Variants in DLG2 observed in about 807,000 individuals in gnomAD.
DLG2 encodes the protein discs large MAGUK scaffold protein 2.
DLG2 carries 45 observed loss-of-function variants against 132.5 expected under a neutral mutation model. That is an observed-to-expected ratio of 0.34 (90% CI 0.27 to 0.44). The LOEUF (loss-of-function observed/expected upper bound fraction) is 0.44. Ranked by LOEUF, DLG2 falls within the 20% of genes least tolerant of loss-of-function variation. The pLI, the probability that DLG2 is intolerant of heterozygous loss-of-function variation, is 1.00. For synonymous variants in DLG2, 424 were observed against 419.6 expected (o/e 1.01, Z -0.13); for missense variants, 1,045 against 1,196.9 (o/e 0.87, Z 1.87).
At chr11:84,846,038 T>C (rs2081429432) in intron 6 of DLG2, among the ~76,000 whole-genome samples, 1 of 152,086 alleles carries the variant, frequency 6.6e-6, no homozygotes, top group Non-Finnish European at 1.5e-5. Context: ...CTTTTTTTCC[T>C]CTTCCTGACC....
rs984992838 is a variant in DLG2, at chr11:83,712,877, G to A, written c.1825+73813C>T. Among the ~76,000 whole-genome samples, 3 of 151,924 alleles carry A rather than the reference G, an allele frequency of 2.0e-5. No homozygotes were observed. The East Asian group carries it at 5.8e-4, about 29-fold the overall frequency. On this transcript the variant is annotated intron_variant, in intron 18 of 27. Transcript: ENST00000376104. ...TGGATGCTAGGCTTAATACCTAGGT[G>A]ATGGGATGATCTGTGCAGCAAATCA... is the stretch of plus-strand genomic sequence containing the variant.
intron 7 of DLG2, among the ~76,000 whole-genome samples, chr11:84,494,702 G>C (rs2099175684): frequency 6.6e-6 from 1 of 152,194 alleles, no homozygotes; most frequent in African/African-American, 2.4e-5. Context: ...GTACTAGGCA[G>C]TGAGTAGCAG....
intron 3 of DLG2, among the ~76,000 whole-genome samples, chr11:85,307,486 T>A (rs887753771): frequency 6.6e-6 from 1 of 152,204 alleles, no homozygotes; most frequent in African/African-American, 2.4e-5. Flanking sequence ...TATATGGAAA[T>A]CTTTCTTCAA....
chr11:83,909,140 G>T (rs1168142223), intron 15 of DLG2, among the ~76,000 whole-genome samples: 2 of 152,194 alleles, frequency 1.3e-5, no homozygotes, highest in Non-Finnish European at 2.9e-5. Flanking sequence ...CTATTCAAGA[G>T]ATTTCAGTTT....
chr11:85,131,272 G>T (rs1032444402), intron 5 of DLG2, among the ~76,000 whole-genome samples: 1 of 151,998 alleles, frequency 6.6e-6, no homozygotes, highest in African/African-American at 2.4e-5. Context: ...CTTCTAGTTT[G>T]GGTTCTCATT....
intron 7 of DLG2, among the ~76,000 whole-genome samples, chr11:84,257,094 T>C (rs1298387557): frequency 6.6e-6 from 1 of 152,190 alleles, no homozygotes; most frequent in African/African-American, 2.4e-5. Flanking sequence ...ATGCTGAGTG[T>C]TGAACACAGG....
At chr11:85,491,130 C>G (rs184491793) in intron 3 of DLG2, among the ~76,000 whole-genome samples, 1 of 151,934 alleles carries the variant, frequency 6.6e-6, no homozygotes, top group Non-Finnish European at 1.5e-5. Context: ...AGAGATGCAA[C>G]AAACGTGATA....
At chr11:84,493,343 A>T (rs1045520997) in intron 7 of DLG2, among the ~76,000 whole-genome samples, 3 of 152,156 alleles carry the variant, frequency 2.0e-5, no homozygotes, top group Non-Finnish European at 4.4e-5. Flanking sequence ...GACAATGATC[A>T]GTCTCTGCTT....
chr11:85,288,414 GT>G (rs1361227817), intron 3 of DLG2, among the ~76,000 whole-genome samples: 1 of 151,830 alleles, frequency 6.6e-6, no homozygotes, highest in Non-Finnish European at 1.5e-5. Context: ...TACTAATTGG[GT>G]GGACAAAAAT....
intron 7 of DLG2, among the ~76,000 whole-genome samples, chr11:84,435,025 T>C (rs1377637215): frequency 6.6e-6 from 1 of 152,018 alleles, no homozygotes; most frequent in East Asian, 1.9e-4. Flanking sequence ...AAATATGATC[T>C]TTCACAATTA....
intron 6 of DLG2, among the ~76,000 whole-genome samples, chr11:84,562,109 C>A (rs1470155019): frequency 1.3e-5 from 2 of 151,966 alleles, no homozygotes; most frequent in Non-Finnish European, 2.9e-5. Context: ...CAATATCAAG[C>A]AATGTATAAT....
intron 15 of DLG2, among the ~76,000 whole-genome samples, chr11:83,896,666 T>C (rs868856947): frequency 4.6e-5 from 7 of 152,168 alleles, no homozygotes; most frequent in Admixed American, 2.0e-4. Flanking sequence ...GAAAATAGTT[T>C]AGTGGTTGTC....
intron 15 of DLG2, among the ~76,000 whole-genome samples, chr11:83,906,257 T>TCACACACA (rs540642615): frequency 1.6e-4 from 11 of 67,150 alleles, no homozygotes; most frequent in Non-Finnish European, 2.2e-4. Flanking sequence ...TCTCTCTCTC[T>TCACACACA]CACACACACA....
intron 17 of DLG2, among the ~76,000 whole-genome samples, chr11:83,828,581 AC>A (rs1239506526): frequency 6.6e-6 from 1 of 152,146 alleles, no homozygotes; most frequent in Non-Finnish European, 1.5e-5. Context: ...GTACAAATGA[AC>A]CTATTACAGT....
chr11:84,375,344 T>C lies in DLG2; in HGVS notation c.520-124053A>G, dbSNP rs531183873. On this transcript the variant is annotated intron_variant, in intron 7 of 27. Transcript: ENST00000376104. The stretch of plus-strand genomic sequence containing the variant: ...TGCATGAATTAACTGCTATAATTAT[T>C]GCGCTGTTTTTGTTCACCAACTGGT... Among the ~76,000 whole-genome samples the C allele has an allele frequency of 1.6e-4, 25 of 152,274 alleles. 1 individual carries two copies. Among genetic ancestry groups the C allele is most frequent in the Middle Eastern group, 3.4e-3 (1 of 294 alleles).
At chr11:84,620,692 T>C (rs1229708678) in intron 6 of DLG2, among the ~76,000 whole-genome samples, 1 of 152,106 alleles carries the variant, frequency 6.6e-6, no homozygotes, top group African/African-American at 2.4e-5. Flanking sequence ...TTGTACTTCA[T>C]AAGTCTGATA....
intron 3 of DLG2, among the ~76,000 whole-genome samples, chr11:85,521,697 A>C (rs1423909748): frequency 1.3e-5 from 2 of 152,198 alleles, no homozygotes; most frequent in Non-Finnish European, 2.9e-5. Context: ...ATGGACAATT[A>C]AGTTCAGGCT....
intron 7 of DLG2, among the ~76,000 whole-genome samples, chr11:84,301,956 C>T (rs576501964): frequency 9.9e-5 from 15 of 152,158 alleles, no homozygotes; most frequent in African/African-American, 3.6e-4. Flanking sequence ...CCCAAATGCC[C>T]GTCAATAATA....
chr11:84,258,818 T>G (rs2154355927), intron 7 of DLG2, among the ~76,000 whole-genome samples: 1 of 152,328 alleles, frequency 6.6e-6, no homozygotes, highest in African/African-American at 2.4e-5. Context: ...TAGTTTCTCT[T>G]TTACAGTCTG....
Sources: allele counts gnomAD v4.1 joint callset (sites outside exome capture counted in the v4.1 genomes callset), GRCh38; gene constraint gnomAD v4.1.1; transcripts MANE v1.5; gene names NCBI Gene and HGNC (gene_info 2026-07-23, HGNC 2026-07-21).